The following COL14A1 variants were observed in gnomAD, a reference collection of about 807,000 sequenced individuals.
The protein encoded by COL14A1 is collagen type XIV alpha 1 chain.
In COL14A1, 136 loss-of-function variants were observed where a neutral mutation model predicts 230.3. That is an observed-to-expected ratio of 0.59 (90% confidence interval 0.51 to 0.68). The LOEUF (loss-of-function observed/expected upper bound fraction) is 0.68, where lower values mean the gene tolerates loss of function less well. Ranked by LOEUF, COL14A1 falls within the 30% of genes least tolerant of loss-of-function variation. The pLI, the probability that COL14A1 is intolerant of heterozygous loss-of-function variation, is 0.00. For missense variants in COL14A1, 1,976 were observed against 2,215.8 expected (o/e 0.89, Z 2.17); for synonymous variants, 792 against 784.1 (o/e 1.01, Z -0.17).
At chr8:120,196,696 T>C in intron 5 of COL14A1, 95 bp from the exon 6 acceptor site, 2 of 1,251,948 alleles carry the variant, frequency 1.6e-6, no homozygotes, top group Non-Finnish European at 2.2e-6. Context: ...TCTTTTGTAT[T>C]CTTAGCACTA....
chr8:120,282,313 G>A (rs1191937301), intron 31 of COL14A1, among the ~76,000 whole-genome samples: 1 of 152,182 alleles, frequency 6.6e-6, no homozygotes, highest in East Asian at 1.9e-4. Flanking sequence ...AGGCAGATCT[G>A]CCCCACCTAG....
intron 37 of COL14A1, among the ~76,000 whole-genome samples, chr8:120,312,155 A>G (rs1005831375): frequency 5.3e-5 from 8 of 151,990 alleles, no homozygotes; most frequent in African/African-American, 1.7e-4. Flanking sequence ...TTATTATTAA[A>G]CCATTACAAA....
intron 40 of COL14A1, among the ~76,000 whole-genome samples, chr8:120,328,147 C>A (rs539447469): frequency 6.6e-6 from 1 of 152,140 alleles, no homozygotes; most frequent in Non-Finnish European, 1.5e-5. Context: ...TTTCTGCCCT[C>A]GAAAGAAGAA....
intron 45 of COL14A1, among the ~76,000 whole-genome samples, chr8:120,358,176 G>A (rs1823051805): frequency 6.6e-6 from 1 of 152,110 alleles, no homozygotes; most frequent in Non-Finnish European, 1.5e-5. Context: ...AAGTCTATTA[G>A]TCAGTTTGAA....
At chr8:120,316,519 A>G (rs1235084835) in intron 40 of COL14A1, among the ~76,000 whole-genome samples, 1 of 152,174 alleles carries the variant, frequency 6.6e-6, no homozygotes, top group Non-Finnish European at 1.5e-5. Flanking sequence ...TGTTTAGTCA[A>G]TAAGGTTTTA....
chr8:120,354,822 C>T lies in COL14A1; in HGVS notation c.5077+9259C>T, dbSNP rs116189578. Among the ~76,000 whole-genome samples the T allele has an allele frequency of 1.2e-3, 179 of 152,292 alleles. 1 individual carries two copies. The highest frequency in any genetic ancestry group is 3.8e-3 in the African/African-American group (156 of 41,572). On this transcript the variant is annotated intron_variant, in intron 45 of 47. Transcript: ENST00000297848. ...TTATTGGCACTTAGCATTGAAGAGG[C>T]CTCATTTGCATAACATCATGCTTTA...
chr8:120,248,917 C>CTTTTTTTTTTTTT lies in COL14A1; in HGVS notation c.2602+1196_2602+1208dup, dbSNP rs71571673. Among the ~76,000 whole-genome samples the CTTTTTTTTTTTTT allele has an allele frequency of 5.9e-5, 5 of 84,196 alleles. 1 individual carries two copies. The highest frequency in any genetic ancestry group is 2.0e-4 in the African/African-American group (4 of 19,978). The allele number at this position is 84,196 out of a possible 152,430, so 55.2% of individuals were successfully genotyped here. The stretch of plus-strand genomic sequence containing the variant: ...AAAAACTCCATTAGTTTCAATCTTT[C>CTTTTTTTTTTTTT]TTTTTTTTTTTTTTTTTTTTTTTTT... On this transcript the variant is annotated intron_variant, in intron 21 of 47. Transcript: ENST00000297848.
In COL14A1 at chr8:120,314,912, C is replaced by G. The variant is rs199757533; in HGVS notation, c.4552-621C>G. Among the ~76,000 whole-genome samples the G allele has an allele frequency of 3.9e-5, 6 of 152,036 alleles. No homozygotes were observed. The East Asian group carries it at 1.2e-3, about 29-fold the overall frequency. On this transcript the variant is annotated intron_variant, in intron 38 of 47. Coordinates refer to ENST00000297848, the MANE Select transcript of COL14A1 (RefSeq NM_021110.4). ...TACATAGATATGAGATTGTAAAATC[C>G]AAGCCGTAAATAATACTGAAATGTT... is the stretch of plus-strand genomic sequence containing the variant.
At chr8:120,301,797 T>C (rs1198581589) in intron 36 of COL14A1, among the ~76,000 whole-genome samples, 2 of 152,184 alleles carry the variant, frequency 1.3e-5, no homozygotes, top group Admixed American at 1.3e-4. Context: ...TTCACAATGG[T>C]TGAACTAATT....
intron 29 of COL14A1, 116 bp downstream of exon 29, chr8:120,280,215 C>G (rs566594954): frequency 8.1e-5 from 96 of 1,184,316 alleles, no homozygotes; most frequent in South Asian, 6.1e-4. Context: ...TCCAGTACTG[C>G]TTGTTATATA....
chr8:120,166,236 A>T (rs187979007), intron 4 of COL14A1, among the ~76,000 whole-genome samples: 1 of 152,322 alleles, frequency 6.6e-6, no homozygotes, highest in East Asian at 1.9e-4. Flanking sequence ...TTTAAGGCAG[A>T]TATCTGGATT....
At chr8:120,222,318 A>AT (rs1171630424) in intron 14 of COL14A1, among the ~76,000 whole-genome samples, 1 of 152,234 alleles carries the variant, frequency 6.6e-6, no homozygotes, top group Non-Finnish European at 1.5e-5. Flanking sequence ...GATAATCCAT[A>AT]TTTTCAATTA....
chr8:120,153,089 C>G (rs947983445), intron 2 of COL14A1, among the ~76,000 whole-genome samples: 1 of 151,892 alleles, frequency 6.6e-6, no homozygotes, highest in African/African-American at 2.4e-5. Context: ...TGTAGCATAT[C>G]CTACAGTAAA....
At chr8:120,129,616 A>G (rs1019994689) in intron 1 of COL14A1, among the ~76,000 whole-genome samples, 1 of 152,210 alleles carries the variant, frequency 6.6e-6, no homozygotes, top group Non-Finnish European at 1.5e-5. Flanking sequence ...CTAACCTAAT[A>G]TAGTTTTTCT....
chr8:120,316,135 C>G (rs1821221979), intron 40 of COL14A1, 138 bp downstream of exon 40: 1 of 690,622 alleles, frequency 1.4e-6, no homozygotes, highest in East Asian at 2.8e-5. Flanking sequence ...TATTTTCCAC[C>G]TATCCTGCAC....
chr8:120,161,581 C>G (rs1815669244), intron 3 of COL14A1, among the ~76,000 whole-genome samples: 1 of 152,142 alleles, frequency 6.6e-6, no homozygotes, highest in African/African-American at 2.4e-5. Context: ...GCTCATGTTT[C>G]AAGGATGCTT....
intron 5 of COL14A1, among the ~76,000 whole-genome samples, chr8:120,195,450 T>A (rs1459137934): frequency 1.3e-5 from 2 of 152,104 alleles, no homozygotes; most frequent in Non-Finnish European, 2.9e-5. Context: ...AGTTAAGCAG[T>A]TCTTTGGAAG....
chr8:120,228,056 T>C (rs1235852150), intron 17 of COL14A1, among the ~76,000 whole-genome samples: 1 of 151,898 alleles, frequency 6.6e-6, no homozygotes, highest in African/African-American at 2.4e-5. Flanking sequence ...CCCTTCTGAG[T>C]TGTCCCAAAT....
At chr8:120,162,007 A>G (rs765682830) in intron 3 of COL14A1, among the ~76,000 whole-genome samples, 3 of 152,172 alleles carry the variant, frequency 2.0e-5, no homozygotes, top group Non-Finnish European at 4.4e-5. Context: ...TGAAGAGTAT[A>G]TCTGATGTTG....
Sources: allele counts gnomAD v4.1 joint callset (sites outside exome capture counted in the v4.1 genomes callset), GRCh38; gene constraint gnomAD v4.1.1; transcripts MANE v1.5; gene names NCBI Gene and HGNC (gene_info 2026-07-23, HGNC 2026-07-21).